The following PLA2G6 variants were observed in gnomAD, a reference collection of about 807,000 sequenced individuals.
The protein encoded by PLA2G6 is 85/88 kDa calcium-independent phospholipase A2.
In PLA2G6, 62 loss-of-function variants were observed where a neutral mutation model predicts 83.8. That is an observed-to-expected ratio of 0.74 (90% CI 0.60 to 0.91). The LOEUF (loss-of-function observed/expected upper bound fraction) is 0.91. PLA2G6 is among the 40% of genes least tolerant of loss of function. The pLI is 0.00. For missense variants in PLA2G6, 944 were observed against 1,102.0 expected (o/e 0.86, Z 2.03); for synonymous variants, 417 against 449.8 (o/e 0.93, Z 0.92).
At chr22:38,163,726 C>T (rs1169496441) in intron 2 of PLA2G6, 2 of 168,832 alleles carry the variant, frequency 1.2e-5, no homozygotes, top group Non-Finnish European at 2.9e-5. Flanking sequence ...GTAGGGAATA[C>T]AAGGCCCCAC....
chr22:38,127,095 A>T, intron 9 of PLA2G6: 2 of 1,103,820 alleles, frequency 1.8e-6, no homozygotes, highest in Non-Finnish European at 2.2e-6. Flanking sequence ...CCTCCTGACA[A>T]GCAGCCCAGT....
chr22:38,117,597 G>A (rs1241307587), intron 12 of PLA2G6, among the ~76,000 whole-genome samples: 3 of 152,196 alleles, frequency 2.0e-5, no homozygotes, highest in African/African-American at 4.8e-5. Flanking sequence ...TTGCACATCC[G>A]ACATTGACAG....
At chr22:38,117,866 T>A (rs949580342) in intron 12 of PLA2G6, among the ~76,000 whole-genome samples, 2 of 151,608 alleles carry the variant, frequency 1.3e-5, no homozygotes, top group Non-Finnish European at 2.9e-5. Flanking sequence ...TGAAACCCTG[T>A]CTCTACTAAA....
chr22:38,120,826 G>T lies in PLA2G6; in HGVS notation c.1675C>A (p.Pro559Thr). The change falls in exon 12 of 17, where the codon CCC (proline) becomes ACC (threonine). Residue 559 changes from proline to threonine, a missense_variant. By Grantham distance (38) the Pro-to-Thr change is conservative. Coordinates refer to ENST00000332509, the MANE Select transcript of PLA2G6 (RefSeq NM_003560.4). ...TCCCGCTTCAGGAACTCCTCCAGGG[G>T]CCCCGACTCGTAGGGCCTGGAGCCC... ...FRGSRPYESG[P>T]LEEFLKREFG... 1 of 1,613,884 alleles carries T rather than the reference G, an allele frequency of 6.2e-7. No individual in the cohort carries two copies. Among genetic ancestry groups the T allele is most frequent in the South Asian group, 1.1e-5 (1 of 91,080 alleles).
chr22:38,173,868 G>A (rs2090528891), intron 1 of PLA2G6, among the ~76,000 whole-genome samples: 1 of 151,994 alleles, frequency 6.6e-6, no homozygotes, highest in Non-Finnish European at 1.5e-5. Flanking sequence ...TGGGGAACAT[G>A]GCAAAACCCT....
intron 10 of PLA2G6, chr22:38,125,640 C>A (rs373281743): frequency 1.1e-5 from 5 of 469,642 alleles, no homozygotes; most frequent in African/African-American, 4.0e-5. Flanking sequence ...GACACTCACT[C>A]CGTGTGACCT....
rs2088312177 is a variant in PLA2G6, at chr22:38,132,934, A to G, written c.974T>C (p.Val325Ala). The change falls in exon 7 of 17, where the codon GTG becomes GCG. Residue 325 changes from valine (V) to alanine (A), a missense_variant. Transcript: ENST00000332509. The surrounding 1 kb of genome is among the most constrained non-coding windows in gnomAD (Gnocchi z 5.0). Reference sequence around the variant, plus strand: ...GGCACAGTCGAAGCGGTTGCGCATCACCGCCACGTGCAGGGCCGTGTTCCC... The same window carrying G: ...GGCACAGTCGAAGCGGTTGCGCATCGCCGCCACGTGCAGGGCCGTGTTCCC... Reference protein sequence around the residue: ...SAGNTALHVAVMRNRFDCAIV... With the variant: ...SAGNTALHVAAMRNRFDCAIV... The G allele has an allele frequency of 1.3e-6, 2 of 1,560,692 alleles. No homozygotes were observed. The highest frequency in any genetic ancestry group is 1.2e-5 in the South Asian group (1 of 84,762).
chr22:38,126,136 CAAGA>C, intron 10 of PLA2G6: 1 of 607,536 alleles, frequency 1.6e-6, no homozygotes, highest in Non-Finnish European at 3.1e-6. Flanking sequence ...CCACCAAGTC[CAAGA>C]AGCCTGGCAC....
At chr22:38,161,374 C>T (rs1034245258) in intron 2 of PLA2G6, among the ~76,000 whole-genome samples, 1 of 152,088 alleles carries the variant, frequency 6.6e-6, no homozygotes, top group African/African-American at 2.4e-5. Context: ...TCTTTCTTGC[C>T]TCTTCGTCTA....
In PLA2G6 at chr22:38,123,010, T is replaced by C. The variant is rs571391501; in HGVS notation, c.1591+85A>G. 80 of 1,351,444 alleles carry C rather than the reference T, an allele frequency of 5.9e-5. 3 individuals are homozygous for C. In the South Asian group the frequency reaches 9.9e-4, roughly 17 times the overall value. 83.7% of individuals were successfully genotyped at this position (1,351,444 alleles called of 1,614,324 possible). On this transcript the variant is annotated intron_variant, in intron 11 of 16. Coordinates refer to ENST00000332509, the MANE Select transcript of PLA2G6 (RefSeq NM_003560.4). The surrounding 1 kb of genome is among the most constrained non-coding windows in gnomAD (Gnocchi z 4.1). ...CCCTCCTCTACTCCTCCACTCTCTT[T>C]TTGCAAAGCCCTGAAGACAAACTCG...
chr22:38,166,214 G>A (rs2090207834), intron 2 of PLA2G6, among the ~76,000 whole-genome samples: 1 of 152,196 alleles, frequency 6.6e-6, no homozygotes, highest in Non-Finnish European at 1.5e-5. Context: ...CAACTTCCAT[G>A]AAATGTCCCT....
At chr22:38,162,551 T>C (rs1387339002) in intron 2 of PLA2G6, among the ~76,000 whole-genome samples, 1 of 152,110 alleles carries the variant, frequency 6.6e-6, no homozygotes, top group Non-Finnish European at 1.5e-5. Flanking sequence ...AGTGGGGTGC[T>C]TGAAACTTGT....
intron 1 of PLA2G6, among the ~76,000 whole-genome samples, chr22:38,171,840 A>G (rs78606194): frequency 1.3e-5 from 2 of 149,262 alleles, no homozygotes; most frequent in Admixed American, 1.3e-4. Context: ...AAAAAAAAAA[A>G]TTATAAAGAC....
chr22:38,168,924 C>G (rs2090328463), intron 2 of PLA2G6, among the ~76,000 whole-genome samples: 2 of 152,236 alleles, frequency 1.3e-5, no homozygotes, highest in African/African-American at 2.4e-5. Context: ...GATGTGGACA[C>G]TCTCAGTCTC....
At chr22:38,134,561 C>CA (rs1020061140) in intron 6 of PLA2G6, 6 of 159,034 alleles carry the variant, frequency 3.8e-5, no homozygotes, top group African/African-American at 7.3e-5. Flanking sequence ...GACTCCGTCT[C>CA]AAAAAAAATA....
chr22:38,135,148 C>G, intron 5 of PLA2G6, 64 bp from the exon 6 acceptor site: 4 of 1,137,860 alleles, frequency 3.5e-6, no homozygotes, highest in Non-Finnish European at 5.3e-6. Flanking sequence ...GGGATGAAGC[C>G]AGGACTTGGA....
At chr22:38,165,477 G>A (rs962457923) in intron 2 of PLA2G6, among the ~76,000 whole-genome samples, 1 of 152,180 alleles carries the variant, frequency 6.6e-6, no homozygotes, top group Non-Finnish European at 1.5e-5. Context: ...GCAAGAGCCT[G>A]GGCAAAGGCC....
chr22:38,114,389 G>T (rs1212522391), intron 14 of PLA2G6, among the ~76,000 whole-genome samples: 2 of 152,188 alleles, frequency 1.3e-5, no homozygotes, highest in African/African-American at 4.8e-5. Context: ...GTTTCACCGT[G>T]TTAGCCAGGA....
intron 2 of PLA2G6, among the ~76,000 whole-genome samples, chr22:38,160,181 A>G (rs1306179467): frequency 6.6e-6 from 1 of 152,232 alleles, no homozygotes; most frequent in African/African-American, 2.4e-5. Flanking sequence ...TAAAACCACA[A>G]TAACATACTA....
Sources: allele counts gnomAD v4.1 joint callset (sites outside exome capture counted in the v4.1 genomes callset), GRCh38; gene constraint gnomAD v4.1.1; non-coding constraint Gnocchi (gnomAD v3.1); transcripts MANE v1.5; gene names NCBI Gene and HGNC (gene_info 2026-07-23, HGNC 2026-07-21).